Variants in SUCLG1 observed in about 807,000 individuals in gnomAD.
SUCLG1 encodes succinate--CoA ligase [ADP/GDP-forming] subunit alpha, mitochondrial.
In SUCLG1, 26 loss-of-function variants were observed where a neutral mutation model predicts 37.3. The observed-to-expected ratio is 0.70, with a 90% confidence interval of 0.51 to 0.97. The LOEUF (loss-of-function observed/expected upper bound fraction) is 0.97, where lower values mean the gene tolerates loss of function less well. Among genes scored for constraint, SUCLG1 ranks in the 50% least tolerant of loss-of-function variants. The pLI is 0.00. For missense variants in SUCLG1, 433 were observed against 432.9 expected (o/e 1.00, Z 0.00); for synonymous variants, 163 against 155.6 (o/e 1.05, Z -0.36).
At chr2:84,440,359 C>G (rs1672749255) in intron 5 of SUCLG1, among the ~76,000 whole-genome samples, 1 of 152,016 alleles carries the variant, frequency 6.6e-6, no homozygotes, top group African/African-American at 2.4e-5. Context: ...GGCGACAGAG[C>G]AAAACTCTGT....
intron 1 of SUCLG1, among the ~76,000 whole-genome samples, chr2:84,452,464 T>C (rs998394018): frequency 3.3e-5 from 5 of 152,186 alleles, no homozygotes; most frequent in Admixed American, 2.0e-4. Flanking sequence ...AATAAAACAT[T>C]ACACAGTCAA....
intron 2 of SUCLG1, among the ~76,000 whole-genome samples, chr2:84,443,610 CCT>C (rs1411151966): frequency 6.6e-6 from 1 of 152,186 alleles, no homozygotes; most frequent in Non-Finnish European, 1.5e-5. Context: ...TCTTTGATTC[CCT>C]GTTTTCAAAC....
chr2:84,451,270 C>A (rs909724199), intron 1 of SUCLG1, among the ~76,000 whole-genome samples: 7 of 150,802 alleles, frequency 4.6e-5, no homozygotes, highest in African/African-American at 1.7e-4. Context: ...GCATCTTCAA[C>A]AAATGCTCAT....
intron 7 of SUCLG1, chr2:84,426,754 G>A (rs1672541293): frequency 1.3e-5 from 2 of 152,052 alleles, no homozygotes; most frequent in East Asian, 3.9e-4. Flanking sequence ...CAGAAGTCCA[G>A]AGATAATAAG....
intron 1 of SUCLG1, among the ~76,000 whole-genome samples, chr2:84,451,186 T>C (rs1672934934): frequency 1.3e-5 from 2 of 152,198 alleles, no homozygotes; most frequent in Non-Finnish European, 2.9e-5. Flanking sequence ...ATGGTATTTG[T>C]GTAGAAGCTA....
intron 8 of SUCLG1, 118 bp from the exon 9 acceptor site, chr2:84,423,890 C>G (rs758612252): frequency 9.2e-7 from 1 of 1,082,932 alleles, no homozygotes; most frequent in Non-Finnish European, 1.3e-6. Flanking sequence ...CCTGAACAAT[C>G]AAATTACAGA....
intron 7 of SUCLG1, among the ~76,000 whole-genome samples, chr2:84,429,777 A>C (rs1340331174): frequency 6.6e-6 from 1 of 152,218 alleles, no homozygotes; most frequent in Non-Finnish European, 1.5e-5. Context: ...AACAGCACCA[A>C]TACCCATGTT....
intron 1 of SUCLG1, among the ~76,000 whole-genome samples, chr2:84,454,370 C>T (rs1255803420): frequency 6.6e-6 from 1 of 152,200 alleles, no homozygotes; most frequent in African/African-American, 2.4e-5. Context: ...GTATCTCCTT[C>T]ATAGGCTGAT....
chr2:84,442,995 G>A (rs1374779339), intron 3 of SUCLG1, among the ~76,000 whole-genome samples: 1 of 152,200 alleles, frequency 6.6e-6, no homozygotes, highest in African/African-American at 2.4e-5. Flanking sequence ...AAGAATTAAG[G>A]GGTGGTTGCT....
intron 2 of SUCLG1, chr2:84,448,844 T>A: frequency 4.4e-6 from 1 of 229,388 alleles, no homozygotes; most frequent in Non-Finnish European, 9.2e-6. Flanking sequence ...ATATATATAA[T>A]TCTATATAAT....
intron 3 of SUCLG1, among the ~76,000 whole-genome samples, chr2:84,442,774 G>A (rs746247742): frequency 6.6e-6 from 1 of 152,130 alleles, no homozygotes; most frequent in Non-Finnish European, 1.5e-5. Flanking sequence ...TTCTTCACAC[G>A]GGACCACTCT....
intron 7 of SUCLG1, among the ~76,000 whole-genome samples, chr2:84,429,203 T>C (rs973331409): frequency 2.0e-5 from 3 of 152,090 alleles, no homozygotes; most frequent in Non-Finnish European, 4.4e-5. Context: ...ATTAATTCCA[T>C]AACAACTAAC....
intron 1 of SUCLG1, among the ~76,000 whole-genome samples, chr2:84,451,914 T>C (rs1402077928): frequency 6.6e-6 from 1 of 152,108 alleles, no homozygotes; most frequent in Non-Finnish European, 1.5e-5. Context: ...ATCCAAGAAA[T>C]GTATTCAATG....
At chr2:84,433,111 G>C in intron 6 of SUCLG1, 1 of 562,158 alleles carries the variant, frequency 1.8e-6, no homozygotes, top group African/African-American at 1.9e-5. Context: ...GCACCAAGGT[G>C]CTTCGGGAGC....
At chr2:84,431,075 T>C (rs1013931188) in intron 7 of SUCLG1, among the ~76,000 whole-genome samples, 3 of 151,894 alleles carry the variant, frequency 2.0e-5, no homozygotes, top group African/African-American at 7.3e-5. Context: ...AGTCTAAAAC[T>C]GGAAGGAAGC....
chr2:84,442,455 A>G (rs1672788630), intron 3 of SUCLG1, among the ~76,000 whole-genome samples: 2 of 152,190 alleles, frequency 1.3e-5, no homozygotes, highest in African/African-American at 4.8e-5. Context: ...AAGAATTTAC[A>G]CTATAGTTTC....
rs1376965944 is a variant in SUCLG1, at chr2:84,441,542, T to C, written c.319-83A>G. On this transcript the variant is annotated intron_variant, in intron 3 of 8. Coordinates refer to ENST00000393868, the MANE Select transcript of SUCLG1 (RefSeq NM_003849.4). ...AAATTCAATACCATCATTTTAATAA[T>C]GTCTTGGGGTAAGAAAAGGACACTA... 20 of 1,446,716 alleles carry C rather than the reference T, an allele frequency of 1.4e-5. No homozygotes were observed. The East Asian group carries it at 4.4e-4, about 32-fold the overall frequency. 89.6% of individuals were successfully genotyped at this position (1,446,716 alleles called of 1,614,324 possible).
intron 1 of SUCLG1, among the ~76,000 whole-genome samples, chr2:84,452,990 T>C (rs1672963450): frequency 6.6e-6 from 1 of 152,212 alleles, no homozygotes; most frequent in Non-Finnish European, 1.5e-5. Context: ...TTTGTACATA[T>C]AAAGATCATA....
At chr2:84,424,417 C>T (rs1429388200) in intron 8 of SUCLG1, among the ~76,000 whole-genome samples, 3 of 152,116 alleles carry the variant, frequency 2.0e-5, no homozygotes, top group African/African-American at 7.2e-5. Context: ...CTCCTTACCC[C>T]ACCTTCAAAT....
Sources: allele counts gnomAD v4.1 joint callset (sites outside exome capture counted in the v4.1 genomes callset), GRCh38; gene constraint gnomAD v4.1.1; transcripts MANE v1.5; gene names NCBI Gene and HGNC (gene_info 2026-07-23, HGNC 2026-07-21).